Variants in WNK3 observed in about 807,000 individuals in gnomAD.
The protein encoded by WNK3 is serine/threonine-protein kinase WNK3.
WNK3 carries 18 observed loss-of-function variants against 116.7 expected under a neutral mutation model. That is an observed-to-expected ratio of 0.15 (90% confidence interval 0.11 to 0.23). WNK3 has a LOEUF of 0.23. Among genes scored for constraint, WNK3 ranks in the 10% least tolerant of loss-of-function variants. The probability of loss-of-function intolerance (pLI) is 1.00; values close to 1 mark genes in which losing one functional copy is unlikely to be tolerated. For synonymous variants in WNK3, 404 were observed against 469.4 expected (o/e 0.86, Z 1.80); for missense variants, 993 against 1,323.8 (o/e 0.75, Z 3.88).
chrX:54,356,125 C>T (rs984290134), intron 1 of WNK3, among the ~76,000 whole-genome samples: 30 of 111,249 alleles, frequency 2.7e-4, no homozygotes, highest in African/African-American at 9.8e-4. Flanking sequence ...AATCCATAAC[C>T]GTTAATCTTG....
chrX:54,305,301 C>A (rs2068811430), intron 5 of WNK3, among the ~76,000 whole-genome samples: 1 of 112,002 alleles, frequency 8.9e-6, no homozygotes, highest in Admixed American at 9.6e-5. Flanking sequence ...AATAACCATA[C>A]AATGAGTGCA....
rs782285866 is a variant in WNK3, at chrX:54,234,838, A to C, written c.4629-1818T>G. Among the ~76,000 whole-genome samples the C allele has an allele frequency of 8.1e-5, 9 of 110,479 alleles. No homozygotes were observed. The South Asian group carries it at 3.0e-3, about 37-fold the overall frequency. On this transcript the variant is annotated intron_variant, in intron 20 of 23. Coordinates refer to ENST00000354646, the Ensembl canonical transcript of WNK3. ...CAGACTCCGTCTCAAAAAAAAAAAA[A>C]ACCAAAAAAACCAAACCAAAACAAA... is the stretch of plus-strand genomic sequence containing the variant.
At chrX:54,323,280 A>G (rs1157224816) in intron 2 of WNK3, among the ~76,000 whole-genome samples, 1 of 111,221 alleles carries the variant, frequency 9.0e-6, no homozygotes, top group Non-Finnish European at 1.9e-5. Flanking sequence ...CCTGCCAAAA[A>G]TGCATAGTCT....
At chrX:54,293,391 G>T (rs2068662299) in intron 8 of WNK3, 64 bp from the exon 9 acceptor site, 1 of 946,150 alleles carries the variant, frequency 1.1e-6, no homozygotes, top group Non-Finnish European at 1.4e-6. Context: ...TGTCCAAATG[G>T]TATAGGTAAT....
At chrX:54,295,672 C>A (rs1189368697) in intron 7 of WNK3, among the ~76,000 whole-genome samples, 1 of 111,386 alleles carries the variant, frequency 9.0e-6, no homozygotes, top group Non-Finnish European at 1.9e-5. Context: ...AGTGTTTTCA[C>A]AAAAGAATTC....
intron 22 of WNK3, among the ~76,000 whole-genome samples, chrX:54,222,946 AGAC>A (rs2067788002): frequency 1.0e-5 from 1 of 99,814 alleles, no homozygotes; most frequent in Non-Finnish European, 2.0e-5. Flanking sequence ...ATATAAAAAA[AGAC>A]ACAATAGAAT....
intron 2 of WNK3, among the ~76,000 whole-genome samples, chrX:54,327,665 A>G (rs1216510603): frequency 9.0e-6 from 1 of 111,452 alleles, no homozygotes; most frequent in Non-Finnish European, 1.9e-5. Flanking sequence ...CCAATCTGGC[A>G]GACAGAGTGA....
intron 10 of WNK3, among the ~76,000 whole-genome samples, chrX:54,268,084 A>G (rs1418372143): frequency 7.0e-5 from 5 of 71,500 alleles, no homozygotes; most frequent in South Asian, 1.2e-3. Flanking sequence ...ATGCGTGCAC[A>G]CACACACACA....
intron 10 of WNK3, among the ~76,000 whole-genome samples, chrX:54,272,427 T>G: frequency 9.9e-6 from 1 of 100,992 alleles, no homozygotes; most frequent in African/African-American, 3.7e-5. Flanking sequence ...GGTGACAGAG[T>G]GAAACCGTAT....
At chrX:54,222,941 A>ATATATATATATATATATATAT (rs59332285) in intron 22 of WNK3, among the ~76,000 whole-genome samples, 1 of 84,102 alleles carries the variant, frequency 1.2e-5, no homozygotes, top group African/African-American at 6.4e-5. Context: ...TATATATATA[A>ATATATATATATATATATATAT]AAAAAGACAC....
At chrX:54,224,387 G>T (rs897388926) in intron 22 of WNK3, among the ~76,000 whole-genome samples, 4 of 108,868 alleles carry the variant, frequency 3.7e-5, no homozygotes, top group African/African-American at 1.0e-4. Flanking sequence ...ATTAAGCTGG[G>T]TTAAATGTAG....
intron 21 of WNK3, among the ~76,000 whole-genome samples, chrX:54,229,400 T>C (rs1004959022): frequency 2.7e-5 from 3 of 109,406 alleles, no homozygotes; most frequent in Non-Finnish European, 5.7e-5. Context: ...CGTTTATTGA[T>C]TGGAAGACTC....
At chrX:54,264,256 C>G (rs1557157204) in intron 10 of WNK3, among the ~76,000 whole-genome samples, 1 of 108,481 alleles carries the variant, frequency 9.2e-6, no homozygotes, top group South Asian at 4.1e-4. Flanking sequence ...TTGTTTGAAC[C>G]CGGGAGGTGG....
intron 7 of WNK3, among the ~76,000 whole-genome samples, chrX:54,297,391 A>C (rs999357242): frequency 9.0e-6 from 1 of 110,669 alleles, no homozygotes; most frequent in South Asian, 3.9e-4. Flanking sequence ...AGCCTGGCTA[A>C]CATGGTGAAA....
rs192388365 is a variant in WNK3 at position 54,281,282 on chromosome X, C to T, written c.2037+11606G>A. 1.3e-4 allele frequency among the ~76,000 whole-genome samples: 14 copies of T among 110,546 alleles called. 1 individual carries two copies. The highest frequency in any genetic ancestry group is 9.7e-5 in the Admixed American group (1 of 10,297). On this transcript the variant is annotated intron_variant, in intron 10 of 23. Transcript: ENST00000354646. ...GGCGGATCACTTGAGGCCAGGAGTTCGAGACCAGTCTGGACAACATGGTGA... is the reference window on the plus strand; with the variant it reads ...GGCGGATCACTTGAGGCCAGGAGTTTGAGACCAGTCTGGACAACATGGTGA...
chrX:54,248,108 C>T (rs902235976), intron 17 of WNK3, among the ~76,000 whole-genome samples: 1 of 109,540 alleles, frequency 9.1e-6, no homozygotes, highest in South Asian at 4.0e-4. Context: ...CGTGGTGGCA[C>T]GTGCCTGTAA....
chrX:54,213,193 C>T (rs1353523298), intron 22 of WNK3, among the ~76,000 whole-genome samples: 2 of 108,717 alleles, frequency 1.8e-5, no homozygotes, highest in Admixed American at 2.0e-4. Flanking sequence ...ACTATGTTGC[C>T]AGGGGTGGTC....
chrX:54,353,784 A>G lies in WNK3; in HGVS notation c.-120+3902T>C, dbSNP rs189860518. 6.5e-5 allele frequency among the ~76,000 whole-genome samples: 7 copies of G among 108,378 alleles called. No homozygotes were observed. In the East Asian group the frequency reaches 1.8e-3, roughly 27 times the overall value. 94.1% of individuals were successfully genotyped at this position (108,378 alleles called of 115,157 possible). On this transcript the variant is annotated intron_variant, in intron 1 of 23. Transcript: ENST00000354646. ...TTACCATGCTAAAACACAGAAAACA[A>G]TGTACTTCATTTCTTTCAGCCAGGC... is the stretch of plus-strand genomic sequence containing the variant.
chrX:54,293,205 C>T (rs782544068), exon 9 of WNK3: 3 of 1,210,653 alleles, frequency 2.5e-6, no homozygotes, highest in Admixed American at 2.2e-5. Context: ...TTTACTTCAG[C>T]CTGCGGGATA....
Sources: allele counts gnomAD v4.1 joint callset (sites outside exome capture counted in the v4.1 genomes callset), GRCh38; gene constraint gnomAD v4.1.1; transcripts MANE v1.5; gene names NCBI Gene and HGNC (gene_info 2026-07-23, HGNC 2026-07-21).